The following LHFPL3 variants were observed in gnomAD, a reference collection of about 807,000 sequenced individuals.
LHFPL3 encodes the protein LHFPL tetraspan subfamily member 3 protein.
In LHFPL3, 5 loss-of-function variants were observed where a neutral mutation model predicts 19.3. The ratio of observed to expected loss-of-function variants is 0.26; its 90% CI spans 0.14 to 0.54. LHFPL3 has a LOEUF of 0.54. LHFPL3 is among the 20% of genes least tolerant of loss of function. The pLI, the probability that LHFPL3 is intolerant of heterozygous loss-of-function variation, is 0.94. For missense variants in LHFPL3, 249 were observed against 307.4 expected, an observed-to-expected ratio of 0.81 and a Z score of 1.42; for synonymous variants, 133 against 126.2, an observed-to-expected ratio of 1.05 and a Z score of -0.36.
intron 1 of LHFPL3, among the ~76,000 whole-genome samples, chr7:104,492,816 T>C (rs911387046): frequency 2.0e-5 from 3 of 152,168 alleles, no homozygotes; most frequent in Admixed American, 1.3e-4. Context: ...AGGAGGGAGA[T>C]GCACACCTCA....
chr7:104,706,160 C>G (rs145559749), intron 1 of LHFPL3, among the ~76,000 whole-genome samples: 222 of 152,186 alleles, frequency 1.5e-3, no homozygotes, highest in Admixed American at 3.5e-3. Context: ...ATTTTATGAG[C>G]CCACAGTCTG....
At chr7:104,605,133 C>G (rs539990787) in intron 1 of LHFPL3, among the ~76,000 whole-genome samples, 8 of 152,250 alleles carry the variant, frequency 5.3e-5, no homozygotes, top group South Asian at 4.2e-4. Context: ...CTAAACACAA[C>G]AAATGTATTT....
intron 2 of LHFPL3, among the ~76,000 whole-genome samples, chr7:104,804,715 G>A (rs957735614): frequency 1.3e-5 from 2 of 152,186 alleles, no homozygotes; most frequent in African/African-American, 2.4e-5. Flanking sequence ...GGTCCTCAAT[G>A]CAGTAGCTCT....
intron 1 of LHFPL3, among the ~76,000 whole-genome samples, chr7:104,623,389 G>T (rs13238111): frequency 0.13 from 19,846 of 152,194 alleles, 1,499 homozygotes; most frequent in Non-Finnish European, 0.17. Context: ...TGGCACCTTA[G>T]AAGGCCAAGG....
chr7:104,622,531 A>C (rs1272462955), intron 1 of LHFPL3, among the ~76,000 whole-genome samples: 1 of 152,162 alleles, frequency 6.6e-6, no homozygotes, highest in African/African-American at 2.4e-5. Flanking sequence ...TACAATCACC[A>C]CTACAATTGG....
At chr7:104,885,802 T>C (rs903667259) in intron 2 of LHFPL3, among the ~76,000 whole-genome samples, 4 of 151,708 alleles carry the variant, frequency 2.6e-5, no homozygotes, top group African/African-American at 9.7e-5. Context: ...CCTTCAATAA[T>C]GTCCCATTGC....
intron 2 of LHFPL3, among the ~76,000 whole-genome samples, chr7:104,840,304 T>C (rs1454867793): frequency 2.7e-5 from 1 of 37,168 alleles, no homozygotes; most frequent in African/African-American, 7.9e-5. Flanking sequence ...TTCTTGTGGG[T>C]TTTCTTTTTT....
chr7:104,397,412 T>A (rs1291917063), intron 1 of LHFPL3, among the ~76,000 whole-genome samples: 1 of 152,202 alleles, frequency 6.6e-6, no homozygotes, highest in Non-Finnish European at 1.5e-5. Context: ...TGTACTTAAT[T>A]TTTTACCTTT....
Position 104,399,680 on chromosome 7 carries a change from G to A in LHFPL3, c.445+70456G>A, listed in dbSNP as rs1365251502. ...GTAGAGACGGGGTTTCACCATATTG[G>A]CCAGGCTGGTCTTGAACTCCCAACC... is the stretch of plus-strand genomic sequence containing the variant. On this transcript the variant is annotated intron_variant, in intron 1 of 2. Coordinates refer to ENST00000424859, the MANE Select transcript of LHFPL3 (RefSeq NM_199000.3). The surrounding 1 kb of genome is among the most constrained non-coding windows in gnomAD (Gnocchi z 4.4). Among the ~76,000 whole-genome samples, 3 of 149,410 alleles carry A rather than the reference G, an allele frequency of 2.0e-5. No individual in the cohort carries two copies. Among genetic ancestry groups the A allele is most frequent in the African/African-American group, 7.4e-5 (3 of 40,484 alleles).
At chr7:104,822,486 T>C (rs914256042) in intron 2 of LHFPL3, among the ~76,000 whole-genome samples, 2 of 152,188 alleles carry the variant, frequency 1.3e-5, no homozygotes, top group Admixed American at 6.5e-5. Flanking sequence ...AGATCTGTCC[T>C]GTGCATTGTA....
chr7:104,522,577 G>A (rs774838457), intron 1 of LHFPL3, among the ~76,000 whole-genome samples: 1 of 152,116 alleles, frequency 6.6e-6, no homozygotes, highest in Admixed American at 6.6e-5. Context: ...GTGCTAGTAT[G>A]TACAAAGTGT....
At chr7:104,604,921 G>T (rs1791062415) in intron 1 of LHFPL3, among the ~76,000 whole-genome samples, 1 of 152,156 alleles carries the variant, frequency 6.6e-6, no homozygotes, top group Non-Finnish European at 1.5e-5. Context: ...CCCGGGAATT[G>T]TTTCAAAATG....
intron 1 of LHFPL3, among the ~76,000 whole-genome samples, chr7:104,616,285 C>T (rs1156837173): frequency 6.6e-6 from 1 of 152,178 alleles, no homozygotes; most frequent in Non-Finnish European, 1.5e-5. Context: ...AGTACCAAAA[C>T]AGTCACATAG....
chr7:104,701,854 G>A (rs1244538837), intron 1 of LHFPL3, among the ~76,000 whole-genome samples: 1 of 129,682 alleles, frequency 7.7e-6, no homozygotes, highest in Non-Finnish European at 1.6e-5. Context: ...ACCCTTTTTT[G>A]TTCTGATTCT....
In LHFPL3 at chr7:104,873,404, T is replaced by C. The variant is rs1177909413; in HGVS notation, c.683-32783T>C. ...CACACAAAATAGGTGGGAGAATCAC[T>C]TGAGCCCAGGAGTTTGAGATCAGCC... is the stretch of plus-strand genomic sequence containing the variant. On this transcript the variant is annotated intron_variant, in intron 2 of 2. Coordinates refer to ENST00000424859, the MANE Select transcript of LHFPL3 (RefSeq NM_199000.3). Among the ~76,000 whole-genome samples, 4 of 152,294 alleles carry C rather than the reference T, an allele frequency of 2.6e-5. No homozygotes were observed. The East Asian group carries it at 7.7e-4, about 29-fold the overall frequency.
At chr7:104,554,800 T>A (rs771891067) in intron 1 of LHFPL3, among the ~76,000 whole-genome samples, 1 of 152,106 alleles carries the variant, frequency 6.6e-6, no homozygotes, top group Non-Finnish European at 1.5e-5. Context: ...GGGAAGACAA[T>A]AGTCCAAGTC....
rs559530672 is a variant in LHFPL3, at chr7:104,393,374, A to G, written c.445+64150A>G. On this transcript the variant is annotated intron_variant, in intron 1 of 2. Transcript: ENST00000424859. Reference sequence around the variant, plus strand: ...AAAAACATATGCATGAAGATCCATAATAACCACAAAGTAAAAAAAAAAATT... The same window carrying G: ...AAAAACATATGCATGAAGATCCATAGTAACCACAAAGTAAAAAAAAAAATT... Among the ~76,000 whole-genome samples, 3 of 151,534 alleles carry G rather than the reference A, an allele frequency of 2.0e-5. No individual in the cohort carries two copies. The East Asian group carries it at 5.9e-4, about 30-fold the overall frequency.
At chr7:104,862,923 C>G (rs551848794) in intron 2 of LHFPL3, among the ~76,000 whole-genome samples, 156 of 152,282 alleles carry the variant, frequency 1.0e-3, no homozygotes, top group Non-Finnish European at 7.8e-4. Context: ...TGGTCTGATA[C>G]AGTAACACGA....
intron 1 of LHFPL3, among the ~76,000 whole-genome samples, chr7:104,651,792 C>T (rs929532337): frequency 3.9e-5 from 6 of 152,282 alleles, no homozygotes; most frequent in African/African-American, 1.4e-4. Flanking sequence ...TCAGCTTCTG[C>T]CTGTCATTAG....
Sources: allele counts gnomAD v4.1 joint callset (sites outside exome capture counted in the v4.1 genomes callset), GRCh38; gene constraint gnomAD v4.1.1; non-coding constraint Gnocchi (gnomAD v3.1); transcripts MANE v1.5; gene names NCBI Gene and HGNC (gene_info 2026-07-23, HGNC 2026-07-21).